Variants in NCK2 observed in about 807,000 individuals in gnomAD.
NCK2 encodes the protein NCK adaptor protein 2.
In NCK2, 16 loss-of-function variants were observed where a neutral mutation model predicts 33.9. That is an observed-to-expected ratio of 0.47 (90% CI 0.32 to 0.72). The LOEUF is 0.72. Ranked by LOEUF, NCK2 falls within the 30% of genes least tolerant of loss-of-function variation. The pLI, the probability that NCK2 is intolerant of heterozygous loss-of-function variation, is 0.03. For synonymous variants in NCK2, 273 were observed against 239.9 expected, an observed-to-expected ratio of 1.14 and a Z score of -1.27; for missense variants, 418 against 537.3, an observed-to-expected ratio of 0.78 and a Z score of 2.19.
chr2:105,809,920 G>T (rs1022420534), intron 1 of NCK2, among the ~76,000 whole-genome samples: 1 of 152,158 alleles, frequency 6.6e-6, no homozygotes, highest in East Asian at 1.9e-4. Flanking sequence ...CCAACACTGA[G>T]GGGGAGAGGG....
chr2:105,817,194 A>C (rs114725966), intron 2 of NCK2, among the ~76,000 whole-genome samples: 1 of 133,284 alleles, frequency 7.5e-6, no homozygotes. Context: ...AAAAAAACCT[A>C]CATCAAATGA....
chr2:105,881,579 T>A lies in NCK2; in HGVS notation c.478T>A (p.Phe160Ile). 6.2e-7 allele frequency: 1 copy of A among 1,613,504 alleles called. No homozygotes were observed. The highest frequency in any genetic ancestry group is 8.5e-7 in the Non-Finnish European group (1 of 1,179,956). Residue 160 changes from phenylalanine to isoleucine, a missense_variant, in exon 4 of 5, where the codon TTC becomes ATC. Coordinates refer to ENST00000233154, the MANE Select transcript of NCK2 (RefSeq NM_003581.5). Reference protein sequence around the residue: ...RGSYNGQIGWFPSNYVLEEVD... With the variant: ...RGSYNGQIGWIPSNYVLEEVD... ...CAGCTACAACGGGCAGATCGGCTGG[T>A]TCCCCTCCAACTACGTCTTGGAGGA...
intron 3 of NCK2, among the ~76,000 whole-genome samples, chr2:105,869,108 C>T (rs577894835): frequency 1.8e-3 from 281 of 152,336 alleles, no homozygotes; most frequent in Non-Finnish European, 3.0e-3. Context: ...CATAGACCCA[C>T]AGTGCTCCCC....
intron 1 of NCK2, among the ~76,000 whole-genome samples, chr2:105,774,352 C>T (rs1159606596): frequency 1.3e-5 from 2 of 152,132 alleles, no homozygotes; most frequent in Non-Finnish European, 2.9e-5. Flanking sequence ...CTGAGTCCTC[C>T]TCACAGTAGC....
chr2:105,879,033 A>G (rs1019148407), intron 3 of NCK2, among the ~76,000 whole-genome samples: 71 of 152,260 alleles, frequency 4.7e-4, no homozygotes, highest in African/African-American at 1.5e-3. Flanking sequence ...TATCAGTTAT[A>G]AAGTGTCTTT....
intron 1 of NCK2, among the ~76,000 whole-genome samples, chr2:105,775,216 G>T (rs1690262231): frequency 6.6e-6 from 1 of 152,184 alleles, no homozygotes; most frequent in African/African-American, 2.4e-5. Flanking sequence ...TGTGTGGCAT[G>T]TGGGTGCCTA....
intron 1 of NCK2, among the ~76,000 whole-genome samples, chr2:105,754,021 C>T (rs1218771628): frequency 6.6e-6 from 1 of 152,164 alleles, no homozygotes; most frequent in African/African-American, 2.4e-5. Context: ...TTAGGAGGGC[C>T]ACTGGGGCCA....
chr2:105,759,338 C>T lies in NCK2; in HGVS notation c.-201+14200C>T, dbSNP rs1022123092. Among the ~76,000 whole-genome samples the T allele has an allele frequency of 5.9e-5, 9 of 152,276 alleles. No homozygotes were observed. In the East Asian group the frequency reaches 1.3e-3, roughly 23 times the overall value. On this transcript the variant is annotated intron_variant, in intron 1 of 4. Transcript: ENST00000233154. ...GCATTTCAGCCATGTAATACCCTCA[C>T]GTTCGTGTATTAAGCTGATCAATAG...
chr2:105,816,566 T>C lies in NCK2; in HGVS notation c.-64T>C, dbSNP rs1411059200. The C allele has an allele frequency of 6.6e-6, 1 of 152,232 alleles. No homozygotes were observed. Among genetic ancestry groups the C allele is most frequent in the African/African-American group, 2.4e-5 (1 of 41,456 alleles). The allele number at this position is 152,232 out of a possible 1,614,324, so 9.4% of individuals were successfully genotyped here. A position where few individuals can be genotyped will look rare whatever the true frequency, so the allele number is the denominator to read the frequency against. On this transcript the variant is annotated 5_prime_UTR_variant, in exon 2 of 5. Transcript: ENST00000233154. The stretch of plus-strand genomic sequence containing the variant: ...GTAATTAGCTGAAAACATCATCGTT[T>C]TGAAGAGTTCTGCGTTTTGCCAGTC...
chr2:105,783,772 TC>T (rs1690578715), intron 1 of NCK2, among the ~76,000 whole-genome samples: 1 of 152,168 alleles, frequency 6.6e-6, no homozygotes, highest in Non-Finnish European at 1.5e-5. Flanking sequence ...GGTGGCCTGT[TC>T]CTGAGCGACT....
intron 4 of NCK2, among the ~76,000 whole-genome samples, chr2:105,882,410 C>T (rs971050101): frequency 3.3e-5 from 5 of 152,140 alleles, no homozygotes; most frequent in African/African-American, 9.7e-5. Flanking sequence ...TGTTTCTATT[C>T]GGTCTGTGTC....
At chr2:105,769,981 C>T (rs905483988) in intron 1 of NCK2, among the ~76,000 whole-genome samples, 1 of 152,120 alleles carries the variant, frequency 6.6e-6, no homozygotes, top group Non-Finnish European at 1.5e-5. Flanking sequence ...GGCTACTTTA[C>T]CCTTGGTGCC....
intron 1 of NCK2, among the ~76,000 whole-genome samples, chr2:105,760,360 G>A (rs1393483878): frequency 6.6e-6 from 1 of 152,138 alleles, no homozygotes; most frequent in Non-Finnish European, 1.5e-5. Flanking sequence ...TTCCCGCGTG[G>A]GATAGGTTGG....
At chr2:105,756,834 C>T (rs1433352122) in intron 1 of NCK2, among the ~76,000 whole-genome samples, 2 of 152,126 alleles carry the variant, frequency 1.3e-5, no homozygotes, top group African/African-American at 2.4e-5. Flanking sequence ...GACGGAGTTT[C>T]GCTCTTGTCA....
chr2:105,748,469 C>T lies in NCK2; in HGVS notation c.-201+3331C>T, dbSNP rs1034299976. Among the ~76,000 whole-genome samples the T allele has an allele frequency of 5.9e-5, 9 of 152,240 alleles. No individual in the cohort carries two copies. In the South Asian group the frequency reaches 1.5e-3, roughly 25 times the overall value. On this transcript the variant is annotated intron_variant, in intron 1 of 4. Coordinates refer to ENST00000233154, the MANE Select transcript of NCK2 (RefSeq NM_003581.5). ...GCATGATCACAGCTCACTGCATCCTCGAGCTTCTGGGTTCAGGCAATCTTC... is the reference window on the plus strand; with the variant it reads ...GCATGATCACAGCTCACTGCATCCTTGAGCTTCTGGGTTCAGGCAATCTTC...
At position 105,881,481 on chromosome 2, in the gene NCK2, A is replaced by C; in HGVS notation, c.380A>C (p.Glu127Ala). The C allele has an allele frequency of 1.2e-6, 2 of 1,613,910 alleles. No homozygotes were observed. Among genetic ancestry groups the C allele is most frequent in the Non-Finnish European group, 1.7e-6 (2 of 1,179,984 alleles). The change falls in exon 4 of 5, where the codon GAG becomes GCG. Residue 127 changes from glutamate to alanine, a missense_variant. By Grantham distance (107) the Glu-to-Ala change is moderately radical. Transcript: ENST00000233154. ...AAGTTCGCCTATGTGGCCGAGCGGGAGGATGAGTTGTCCCTGGTGAAGGGG... is the reference window on the plus strand; with the variant it reads ...AAGTTCGCCTATGTGGCCGAGCGGGCGGATGAGTTGTCCCTGGTGAAGGGG... ...FVKFAYVAEREDELSLVKGSR... is the reference protein window; with the variant it reads ...FVKFAYVAERADELSLVKGSR...
At chr2:105,759,611 A>G (rs905117265) in intron 1 of NCK2, among the ~76,000 whole-genome samples, 3 of 152,222 alleles carry the variant, frequency 2.0e-5, no homozygotes, top group African/African-American at 4.8e-5. Flanking sequence ...ATCTTACGTT[A>G]CTATAGTACA....
At chr2:105,840,250 C>A (rs921884105) in intron 2 of NCK2, among the ~76,000 whole-genome samples, 2 of 152,078 alleles carry the variant, frequency 1.3e-5, no homozygotes, top group East Asian at 1.9e-4. Flanking sequence ...CAGGTTCCTT[C>A]CAGAGGTGGG....
chr2:105,797,764 C>T (rs1573605111), intron 1 of NCK2, among the ~76,000 whole-genome samples: 1 of 152,186 alleles, frequency 6.6e-6, no homozygotes, highest in Non-Finnish European at 1.5e-5. Flanking sequence ...ATGTTGTGGC[C>T]TCCTGTCAGC....
Sources: allele counts gnomAD v4.1 joint callset (sites outside exome capture counted in the v4.1 genomes callset), GRCh38; gene constraint gnomAD v4.1.1; transcripts MANE v1.5; gene names NCBI Gene and HGNC (gene_info 2026-07-23, HGNC 2026-07-21).